NRG3: variants seen among roughly 807,000 people sequenced by gnomAD.
The protein encoded by NRG3 is pro-neuregulin-3, membrane-bound isoform.
A neutral mutation model predicts 66.9 loss-of-function variants in NRG3; 31 were observed. The observed-to-expected ratio is 0.46, with a 90% CI of 0.35 to 0.63. NRG3 has a LOEUF of 0.63. Ranked by LOEUF, NRG3 falls within the 20% of genes least tolerant of loss-of-function variation. The pLI is 0.00. For synonymous variants in NRG3, 393 were observed against 359.4 expected, an observed-to-expected ratio of 1.09 and a Z score of -1.06; for missense variants, 910 against 878.9, an observed-to-expected ratio of 1.04 and a Z score of -0.45.
chr10:82,930,527 C>T (rs1002441489), intron 4 of NRG3, among the ~76,000 whole-genome samples: 2 of 152,120 alleles, frequency 1.3e-5, no homozygotes, highest in African/African-American at 2.4e-5. Flanking sequence ...AACTGGGTCC[C>T]CAAGATACTT....
chr10:82,087,423 A>G (rs1423713354), intron 1 of NRG3, among the ~76,000 whole-genome samples: 1 of 152,030 alleles, frequency 6.6e-6, no homozygotes, highest in African/African-American at 2.4e-5. Flanking sequence ...GTTCAGAGGG[A>G]TGAACACAGT....
At chr10:82,546,353 C>A (rs1294996483) in intron 2 of NRG3, among the ~76,000 whole-genome samples, 3 of 151,972 alleles carry the variant, frequency 2.0e-5, no homozygotes, top group African/African-American at 7.3e-5. Context: ...ATAATAAATA[C>A]CGAGATAGTT....
At chr10:82,279,178 C>A (rs888586996) in intron 1 of NRG3, among the ~76,000 whole-genome samples, 1 of 152,058 alleles carries the variant, frequency 6.6e-6, no homozygotes. Context: ...GATGTCATTA[C>A]CAAATAAAGC....
intron 2 of NRG3, among the ~76,000 whole-genome samples, chr10:82,417,666 G>A (rs58220080): frequency 0.025 from 3,764 of 152,224 alleles, 144 homozygotes; most frequent in African/African-American, 0.085. Flanking sequence ...GGCACGGGGC[G>A]GTGAAGTAAC....
intron 1 of NRG3, among the ~76,000 whole-genome samples, chr10:82,220,543 C>T (rs2075892236): frequency 6.6e-6 from 1 of 152,036 alleles, no homozygotes; most frequent in South Asian, 2.1e-4. Flanking sequence ...TGGGGGCAGG[C>T]ATTTAGCTGA....
At chr10:81,914,014 C>G (rs2132785984) in intron 1 of NRG3, among the ~76,000 whole-genome samples, 2 of 152,288 alleles carry the variant, frequency 1.3e-5, no homozygotes, top group South Asian at 4.2e-4. Flanking sequence ...TATGCACACT[C>G]TCTAAGGCGG....
intron 3 of NRG3, among the ~76,000 whole-genome samples, chr10:82,745,367 A>G (rs2058598967): frequency 6.6e-6 from 1 of 152,194 alleles, no homozygotes; most frequent in South Asian, 2.1e-4. Flanking sequence ...TGAGGACACA[A>G]AGCAGAAACT....
intron 1 of NRG3, among the ~76,000 whole-genome samples, chr10:82,058,851 A>T (rs2063981166): frequency 6.6e-6 from 1 of 152,094 alleles, no homozygotes; most frequent in South Asian, 2.1e-4. Context: ...AATAGAAGAT[A>T]CTCTGCTTGC....
At chr10:82,355,085 A>C (rs750467651) in intron 1 of NRG3, among the ~76,000 whole-genome samples, 1 of 152,220 alleles carries the variant, frequency 6.6e-6, no homozygotes, top group African/African-American at 2.4e-5. Context: ...TAGCATAGCC[A>C]GCTTAGTGTA....
At chr10:82,250,003 C>A (rs191065108) in intron 1 of NRG3, among the ~76,000 whole-genome samples, 8 of 152,224 alleles carry the variant, frequency 5.3e-5, no homozygotes, top group Non-Finnish European at 1.2e-4. Context: ...TCAGGTGACC[C>A]GTCAGAATAA....
intron 2 of NRG3, among the ~76,000 whole-genome samples, chr10:82,552,107 A>T (rs2044349483): frequency 6.6e-6 from 1 of 152,116 alleles, no homozygotes. Context: ...CAACAGGTGC[A>T]AAATGCATAA....
chr10:82,341,331 A>C (rs1222776000), intron 1 of NRG3, among the ~76,000 whole-genome samples: 2 of 152,114 alleles, frequency 1.3e-5, no homozygotes, highest in Non-Finnish European at 2.9e-5. Flanking sequence ...GCAGAATATT[A>C]AAGAGATTTC....
chr10:82,498,940 T>C (rs955318), intron 2 of NRG3, among the ~76,000 whole-genome samples: 80,102 of 152,016 alleles, frequency 0.53, 24,918 homozygotes, highest in South Asian at 0.75. Context: ...TTTGGGAAGC[T>C]TGTAGACTCC....
chr10:82,679,371 C>T (rs1029982341), intron 2 of NRG3, among the ~76,000 whole-genome samples: 5 of 152,114 alleles, frequency 3.3e-5, no homozygotes, highest in African/African-American at 1.2e-4. Context: ...TTTTCTTACT[C>T]TAGTGAAAAG....
chr10:81,986,886 T>G (rs1284677740), intron 1 of NRG3, among the ~76,000 whole-genome samples: 2 of 152,072 alleles, frequency 1.3e-5, no homozygotes, highest in Non-Finnish European at 2.9e-5. Flanking sequence ...CTCATTACAT[T>G]TCCCAGGCTG....
At chr10:82,047,757 C>T (rs576642997) in intron 1 of NRG3, among the ~76,000 whole-genome samples, 49 of 151,686 alleles carry the variant, frequency 3.2e-4, no homozygotes, top group African/African-American at 1.1e-3. Flanking sequence ...ACAATATTAA[C>T]TTTAAATGTA....
intron 2 of NRG3, among the ~76,000 whole-genome samples, chr10:82,403,345 C>G (rs746303179): frequency 1.3e-5 from 2 of 152,156 alleles, no homozygotes; most frequent in Non-Finnish European, 2.9e-5. Context: ...ACTCCTCCCC[C>G]ACTCAGAGAA....
chr10:82,384,566 A>G (rs763503336), intron 2 of NRG3, among the ~76,000 whole-genome samples: 1 of 152,148 alleles, frequency 6.6e-6, no homozygotes, highest in Non-Finnish European at 1.5e-5. Context: ...TGCTAAGGGT[A>G]ATGGCCTCCA....
intron 4 of NRG3, among the ~76,000 whole-genome samples, chr10:82,927,392 T>G (rs1017382034): frequency 6.6e-6 from 1 of 152,234 alleles, no homozygotes; most frequent in Non-Finnish European, 1.5e-5. Context: ...GGGATACATG[T>G]GTAGAACATG....
Sources: allele counts gnomAD v4.1 joint callset (sites outside exome capture counted in the v4.1 genomes callset), GRCh38; gene constraint gnomAD v4.1.1; transcripts MANE v1.5; gene names NCBI Gene and HGNC (gene_info 2026-07-23, HGNC 2026-07-21).